The following INPP4B variants were observed in gnomAD, a reference collection of about 807,000 sequenced individuals.
INPP4B encodes inositol polyphosphate-4-phosphatase type II B, also known as inositol polyphosphate 4-phosphatase type II.
Under a neutral mutation model 122.5 loss-of-function variants are expected in INPP4B, and 55 were observed. The ratio of observed to expected loss-of-function variants is 0.45; its 90% confidence interval spans 0.36 to 0.56. The LOEUF (loss-of-function observed/expected upper bound fraction) is 0.56, where lower values mean the gene tolerates loss of function less well. INPP4B is among the 20% of genes least tolerant of loss of function. The probability of loss-of-function intolerance (pLI) is 0.00; values close to 1 mark genes in which losing one functional copy is unlikely to be tolerated. For synonymous variants in INPP4B, 403 were observed against 388.7 expected, an observed-to-expected ratio of 1.04 and a Z score of -0.43; for missense variants, 1,000 against 1,097.7, an observed-to-expected ratio of 0.91 and a Z score of 1.26.
chr4:142,122,270 C>T, intron 20 of INPP4B, 25 bp from the exon 21 acceptor site: 1 of 1,518,534 alleles, frequency 6.6e-7, no homozygotes, highest in Non-Finnish European at 9.1e-7. Flanking sequence ...AGGCACTTAG[C>T]TACAAACAAA....
intron 15 of INPP4B, among the ~76,000 whole-genome samples, chr4:142,189,751 C>T (rs370691677): frequency 9.9e-5 from 15 of 152,218 alleles, no homozygotes; most frequent in South Asian, 2.1e-4. Flanking sequence ...GTTTATATAG[C>T]GTTTTAGAAA....
intron 25 of INPP4B, among the ~76,000 whole-genome samples, chr4:142,064,119 C>G (rs1251608888): frequency 6.6e-6 from 1 of 152,134 alleles, no homozygotes; most frequent in East Asian, 1.9e-4. Context: ...AATAATTCAA[C>G]CTTCAAGACT....
At chr4:142,642,944 G>T (rs866151768) in intron 2 of INPP4B, among the ~76,000 whole-genome samples, 33 of 152,052 alleles carry the variant, frequency 2.2e-4, no homozygotes, top group African/African-American at 6.7e-4. Flanking sequence ...TTTATTTCAT[G>T]GAGCAGTGGT....
chr4:142,488,172 C>T (rs1295379000), intron 2 of INPP4B, among the ~76,000 whole-genome samples: 1 of 152,022 alleles, frequency 6.6e-6, no homozygotes, highest in Non-Finnish European at 1.5e-5. Flanking sequence ...AGAACTTCCT[C>T]CTTTCTTCTG....
intron 17 of INPP4B, among the ~76,000 whole-genome samples, chr4:142,158,802 G>T (rs1048667751): frequency 2.6e-5 from 4 of 151,232 alleles, no homozygotes; most frequent in African/African-American, 7.3e-5. Flanking sequence ...GGGGGTCAAG[G>T]TGAGGGGGAA....
At chr4:142,166,027 A>G (rs937099164) in intron 16 of INPP4B, among the ~76,000 whole-genome samples, 7 of 151,666 alleles carry the variant, frequency 4.6e-5, no homozygotes, top group African/African-American at 7.3e-5. Context: ...TTCTTTGGTG[A>G]AGTATATTTT....
chr4:142,824,802 T>A (rs906783398), intron 1 of INPP4B, among the ~76,000 whole-genome samples: 4 of 140,540 alleles, frequency 2.8e-5, no homozygotes, highest in African/African-American at 1.2e-4. Flanking sequence ...TCCTTTTTTG[T>A]TAAAAAAAAA....
chr4:142,734,623 A>T (rs13106530), intron 1 of INPP4B, among the ~76,000 whole-genome samples: 4,448 of 152,120 alleles, frequency 0.029, 83 homozygotes, highest in South Asian at 0.05. Flanking sequence ...CCCTTAAAAA[A>T]TGGGCACTAT....
intron 1 of INPP4B, among the ~76,000 whole-genome samples, chr4:142,753,018 G>A (rs1183526511): frequency 2.0e-5 from 3 of 152,078 alleles, no homozygotes; most frequent in African/African-American, 4.8e-5. Context: ...TGCCTAGGCA[G>A]AAACAGCTCT....
intron 25 of INPP4B, among the ~76,000 whole-genome samples, chr4:142,031,295 T>A (rs1410773829): frequency 6.6e-6 from 1 of 152,224 alleles, no homozygotes; most frequent in Non-Finnish European, 1.5e-5. Flanking sequence ...CTCAGTCTTA[T>A]GAAAAGTGGA....
intron 2 of INPP4B, among the ~76,000 whole-genome samples, chr4:142,558,304 C>G (rs1237265908): frequency 6.6e-6 from 1 of 152,024 alleles, no homozygotes; most frequent in East Asian, 1.9e-4. Context: ...TTGCTCTGTT[C>G]TCTGGATTCA....
chr4:142,645,014 T>G (rs151155044), intron 2 of INPP4B, among the ~76,000 whole-genome samples: 1 of 151,942 alleles, frequency 6.6e-6, no homozygotes, highest in Non-Finnish European at 1.5e-5. Context: ...TCTGATTCTA[T>G]AATTACTAAA....
intron 25 of INPP4B, among the ~76,000 whole-genome samples, chr4:142,080,989 C>T (rs1263049448): frequency 4.6e-5 from 7 of 152,096 alleles, no homozygotes; most frequent in Non-Finnish European, 4.4e-5. Flanking sequence ...GACATCCTCA[C>T]ACATTTATCA....
chr4:142,838,365 A>C (rs943654399), intron 1 of INPP4B, among the ~76,000 whole-genome samples: 37 of 147,776 alleles, frequency 2.5e-4, no homozygotes, highest in African/African-American at 2.6e-5. Context: ...AGAGAGTAGG[A>C]AAAAAAAAGA....
chr4:142,663,127 G>T (rs1377726817), intron 2 of INPP4B, among the ~76,000 whole-genome samples: 2 of 152,204 alleles, frequency 1.3e-5, no homozygotes, highest in Non-Finnish European at 2.9e-5. Flanking sequence ...GGAGGTGAAA[G>T]TGAGAGAAAG....
At chr4:142,465,070 C>T (rs897899591) in intron 2 of INPP4B, among the ~76,000 whole-genome samples, 2 of 152,092 alleles carry the variant, frequency 1.3e-5, no homozygotes, top group African/African-American at 4.8e-5. Context: ...TCCAAACAAG[C>T]CCTTGAATAA....
At chr4:142,576,892 A>C (rs1733969452) in intron 2 of INPP4B, among the ~76,000 whole-genome samples, 1 of 152,072 alleles carries the variant, frequency 6.6e-6, no homozygotes, top group Non-Finnish European at 1.5e-5. Context: ...TTACTTAAAA[A>C]GCTATAAAGA....
intron 7 of INPP4B, among the ~76,000 whole-genome samples, chr4:142,340,198 A>C (rs1280403263): frequency 6.6e-6 from 1 of 152,172 alleles, no homozygotes; most frequent in African/African-American, 2.4e-5. Flanking sequence ...AGGCCTCTCC[A>C]TCTGTTCATT....
intron 2 of INPP4B, among the ~76,000 whole-genome samples, chr4:142,498,782 C>T (rs1822989424): frequency 6.6e-6 from 1 of 151,928 alleles, no homozygotes; most frequent in African/African-American, 2.4e-5. Context: ...GACGGAGATC[C>T]TGTCTCAAAA....
Sources: gnomAD v4.1 joint callset for allele counts (sites outside exome capture counted in the v4.1 genomes callset) on GRCh38, gnomAD v4.1.1 for gene constraint, MANE v1.5 for transcripts, NCBI Gene and HGNC (gene_info 2026-07-23, HGNC 2026-07-21) for gene names.